Variants in PPP3CA observed in about 807,000 individuals in gnomAD.
The protein encoded by PPP3CA is protein phosphatase 3 catalytic subunit alpha, also known as CAM-PRP catalytic subunit.
PPP3CA carries 14 observed loss-of-function variants against 66.5 expected under a neutral mutation model. The observed-to-expected ratio is 0.21, with a 90% CI of 0.14 to 0.33. PPP3CA has a LOEUF of 0.33. PPP3CA is among the 10% of genes least tolerant of loss of function. The pLI, the probability that PPP3CA is intolerant of heterozygous loss-of-function variation, is 1.00. For missense variants in PPP3CA, 317 were observed against 639.5 expected (o/e 0.50, Z 5.44); for synonymous variants, 232 against 226.2 (o/e 1.03, Z -0.23).
intron 1 of PPP3CA, among the ~76,000 whole-genome samples, chr4:101,333,938 C>G (rs1292918087): frequency 6.6e-6 from 1 of 152,082 alleles, no homozygotes; most frequent in Non-Finnish European, 1.5e-5. Flanking sequence ...ATGTTAGACC[C>G]CAAGAACACA....
At chr4:101,202,822 G>GT (rs1224608320) in intron 1 of PPP3CA, among the ~76,000 whole-genome samples, 7 of 151,984 alleles carry the variant, frequency 4.6e-5, no homozygotes, top group Non-Finnish European at 8.8e-5. Flanking sequence ...AATTTACTGG[G>GT]TTTTTTTCCT....
At chr4:101,094,671 A>T (rs1399316257) in intron 5 of PPP3CA, among the ~76,000 whole-genome samples, 2 of 152,160 alleles carry the variant, frequency 1.3e-5, no homozygotes, top group African/African-American at 2.4e-5. Flanking sequence ...CTTCATATGA[A>T]ATCAATTTTC....
chr4:101,156,770 A>G (rs1723337526), intron 2 of PPP3CA, among the ~76,000 whole-genome samples: 1 of 152,206 alleles, frequency 6.6e-6, no homozygotes, highest in Non-Finnish European at 1.5e-5. Context: ...GGAGAACAGG[A>G]GATAGGTATG....
At position 101,334,055 on chromosome 4, in the gene PPP3CA, T is replaced by C. The variant is rs148632032; in HGVS notation, c.58+12684A>G. On this transcript the variant is annotated intron_variant, in intron 1 of 13. Coordinates refer to ENST00000394854, the MANE Select transcript of PPP3CA (RefSeq NM_000944.5). ...GAAGCAGTATCTTTTTAACAGCCAT[T>C]TTACACTCAACCAAATAATCTACTT... 9.9e-4 allele frequency among the ~76,000 whole-genome samples: 151 copies of C among 152,246 alleles called. 2 individuals are homozygous for C. The highest frequency in any genetic ancestry group is 3.4e-3 in the African/African-American group (142 of 41,544).
chr4:101,263,379 C>T (rs1434606294), intron 1 of PPP3CA, among the ~76,000 whole-genome samples: 1 of 152,120 alleles, frequency 6.6e-6, no homozygotes, highest in Non-Finnish European at 1.5e-5. Flanking sequence ...GGCATCAGTG[C>T]CATTCTTGTC....
intron 1 of PPP3CA, among the ~76,000 whole-genome samples, chr4:101,212,652 G>A (rs533263867): frequency 1.1e-4 from 17 of 152,074 alleles, no homozygotes; most frequent in South Asian, 6.2e-4. Context: ...CAAAAAAGAC[G>A]GCCTAAAGGT....
At chr4:101,065,705 G>T (rs766379121) in intron 8 of PPP3CA, among the ~76,000 whole-genome samples, 10 of 151,960 alleles carry the variant, frequency 6.6e-5, no homozygotes, top group Non-Finnish European at 1.2e-4. Context: ...ATAAATGTTT[G>T]AATTCTAGTC....
At chr4:101,054,029 T>G (rs1728121081) in intron 10 of PPP3CA, among the ~76,000 whole-genome samples, 1 of 152,096 alleles carries the variant, frequency 6.6e-6, no homozygotes, top group African/African-American at 2.4e-5. Flanking sequence ...CTTGACTTAC[T>G]AACTTTAGGT....
chr4:101,175,556 G>T (rs1013727437), intron 2 of PPP3CA, among the ~76,000 whole-genome samples: 1 of 152,086 alleles, frequency 6.6e-6, no homozygotes, highest in African/African-American at 2.4e-5. Flanking sequence ...AACTCTATTA[G>T]AATGTTGGTG....
At chr4:101,033,289 C>CAA (rs1243693050) in intron 11 of PPP3CA, among the ~76,000 whole-genome samples, 1,681 of 67,036 alleles carry the variant, frequency 0.025, 13 homozygotes, top group South Asian at 0.039. Context: ...CACACACACA[C>CAA]ACAAACACAC....
intron 3 of PPP3CA, among the ~76,000 whole-genome samples, chr4:101,106,456 A>AAAGAAAG (rs1560605199): frequency 1.3e-4 from 3 of 23,906 alleles, no homozygotes; most frequent in Admixed American, 3.7e-4. Context: ...AAAGAAAGAG[A>AAAGAAAG]AAAGAAAAGA....
At chr4:101,131,657 G>A (rs1013189727) in intron 2 of PPP3CA, among the ~76,000 whole-genome samples, 2 of 152,128 alleles carry the variant, frequency 1.3e-5, no homozygotes, top group Non-Finnish European at 2.9e-5. Context: ...AATAGTGGGA[G>A]ACTTTAACAC....
At chr4:101,136,189 A>G (rs921585118) in intron 2 of PPP3CA, among the ~76,000 whole-genome samples, 1 of 152,114 alleles carries the variant, frequency 6.6e-6, no homozygotes. Context: ...CTTCCCATTG[A>G]CTTTGGCTCA....
chr4:101,311,884 C>CT (rs528023230), intron 1 of PPP3CA, among the ~76,000 whole-genome samples: 3 of 152,056 alleles, frequency 2.0e-5, no homozygotes, highest in African/African-American at 2.4e-5. Context: ...AATTTATTAC[C>CT]TTTTTTTTAT....
intron 1 of PPP3CA, among the ~76,000 whole-genome samples, chr4:101,334,138 CTT>C (rs796447504): frequency 3.4e-5 from 5 of 145,388 alleles, no homozygotes; most frequent in African/African-American, 1.3e-4. Flanking sequence ...CCAAGTGACA[CTT>C]TTTTTTTTTT....
chr4:101,180,925 C>T (rs116445949), intron 2 of PPP3CA, among the ~76,000 whole-genome samples: 200 of 152,028 alleles, frequency 1.3e-3, no homozygotes, highest in Admixed American at 2.9e-3. Context: ...TATATTACTA[C>T]ATAATAGTCC....
chr4:101,196,218 T>C lies in PPP3CA; in HGVS notation c.59-102A>G, dbSNP rs1724787379. 7.6e-6 allele frequency: 8 copies of C among 1,049,464 alleles called. No individual in the cohort carries two copies. In the South Asian group the frequency reaches 1.3e-4, roughly 17 times the overall value. 65.0% of individuals were successfully genotyped at this position (1,049,464 alleles called of 1,614,324 possible). A position where few individuals can be genotyped will look rare whatever the true frequency, so the allele number is the denominator to read the frequency against. On this transcript the variant is annotated intron_variant, in intron 1 of 13. Transcript: ENST00000394854. ...CATCCTCATCACAAACCAACTAATA[T>C]AATATTTTTAGAGTGGCTGAATTAA...
chr4:101,042,346 C>T (rs959351783), intron 10 of PPP3CA, among the ~76,000 whole-genome samples: 1 of 152,056 alleles, frequency 6.6e-6, no homozygotes, highest in African/African-American at 2.4e-5. Flanking sequence ...TTCCTCCCAC[C>T]TTCCCTCTGC....
At chr4:101,044,013 T>C (rs1727652851) in intron 10 of PPP3CA, among the ~76,000 whole-genome samples, 2 of 152,246 alleles carry the variant, frequency 1.3e-5, no homozygotes, top group Admixed American at 1.3e-4. Context: ...CTAAATGTTT[T>C]ATCCTGAAAA....
Sources: gnomAD v4.1 joint callset for allele counts (sites outside exome capture counted in the v4.1 genomes callset) on GRCh38, gnomAD v4.1.1 for gene constraint, MANE v1.5 for transcripts, NCBI Gene and HGNC (gene_info 2026-07-23, HGNC 2026-07-21) for gene names.